Variants in BNIP5 observed in about 807,000 individuals in gnomAD.
The protein encoded by BNIP5 is BCL2 interacting protein 5.
Under a neutral mutation model 67.3 loss-of-function variants are expected in BNIP5, and 61 were observed. The ratio of observed to expected loss-of-function variants is 0.91; its 90% CI spans 0.74 to 1.12. The LOEUF is 1.12. BNIP5 is among the 50% of genes most tolerant of loss of function. The pLI is 0.00. For missense variants in BNIP5, 826 were observed against 816.3 expected, an observed-to-expected ratio of 1.01 and a Z score of -0.14; for synonymous variants, 317 against 319.0, an observed-to-expected ratio of 0.99 and a Z score of 0.07.
At chr6:36,324,077 G>A in intron 7 of BNIP5, 52 bp downstream of exon 7, 1 of 1,371,146 alleles carries the variant, frequency 7.3e-7, no homozygotes, top group South Asian at 1.2e-5. Context: ...CACCAGGCAG[G>A]GTTGGGGAGC....
Position 36,322,393 on chromosome 6 carries a change from T to G in BNIP5, c.1521A>C (p.Pro507=). ...GGGAGGGTGCTTCTGAGATCACAAC[T>G]GGCTCCCCTTCTGCGGGCAGGGGCT... The part of the protein sequence containing the change: ...CREPLPAEGE[P]VVISEAPSQA... The change falls in exon 9 of 12, where the codon CCA becomes CCC. Residue 507 remains proline, a synonymous_variant. Coordinates refer to ENST00000437635, the MANE Select transcript of BNIP5 (RefSeq NM_001010903.5). 1.9e-6 allele frequency: 3 copies of G among 1,614,116 alleles called. No individual in the cohort carries two copies. The highest frequency in any genetic ancestry group is 2.5e-6 in the Non-Finnish European group (3 of 1,179,970).
intron 3 of BNIP5, 64 bp from the exon 4 acceptor site, chr6:36,327,158 C>A (rs1771784319): frequency 1.4e-6 from 2 of 1,418,074 alleles, no homozygotes; most frequent in East Asian, 2.3e-5. Context: ...TTCTAAATTA[C>A]CATCTTGGAT....
intron 1 of BNIP5, among the ~76,000 whole-genome samples, chr6:36,331,776 T>A (rs993096634): frequency 2.0e-5 from 3 of 152,150 alleles, no homozygotes; most frequent in Non-Finnish European, 2.9e-5. Context: ...GCGATCAACC[T>A]ACCTCGGTCT....
intron 3 of BNIP5, among the ~76,000 whole-genome samples, chr6:36,327,837 CTT>C (rs35688804): frequency 4.4e-4 from 60 of 137,190 alleles, no homozygotes; most frequent in Middle Eastern, 3.9e-3. Flanking sequence ...TGTGGGTTTG[CTT>C]TTTTTTTTTT....
At chr6:36,327,325 A>T (rs1262734965) in intron 3 of BNIP5, among the ~76,000 whole-genome samples, 2 of 152,236 alleles carry the variant, frequency 1.3e-5, no homozygotes, top group Non-Finnish European at 2.9e-5. Flanking sequence ...CCCTTCAGGC[A>T]TTCAACCTGT....
chr6:36,321,558 T>A (rs1771636750), intron 9 of BNIP5, among the ~76,000 whole-genome samples: 1 of 151,846 alleles, frequency 6.6e-6, no homozygotes, highest in Admixed American at 6.6e-5. Context: ...AGAATGGGAG[T>A]TTGGACGAGG....
rs755783603 is a variant in BNIP5, at chr6:36,319,577, A to T, written c.1702T>A (p.Tyr568Asn). The T allele has an allele frequency of 3.7e-6, 6 of 1,613,176 alleles. No individual in the cohort carries two copies. The highest frequency in any genetic ancestry group is 4.2e-6 in the Non-Finnish European group (5 of 1,179,342). The change falls in exon 11 of 12, where the codon TAC (tyrosine) becomes AAC (asparagine). Residue 568 changes from tyrosine (Y) to asparagine (N), a missense_variant. Physicochemically the swap from Tyr to Asn is moderately radical, Grantham distance 143 (BLOSUM62 -2). Transcript: ENST00000437635. ...CTGAGGGAGGAGTCCGAGAACTCGTAAAAAAACCTCTTAAAGCTGGGGTGG... is the reference window on the plus strand; with the variant it reads ...CTGAGGGAGGAGTCCGAGAACTCGTTAAAAAACCTCTTAAAGCTGGGGTGG... ...RRHPSFKRFF[Y>N]EFSDSSLSKL...
chr6:36,329,704 C>T (rs1352613422), intron 2 of BNIP5, among the ~76,000 whole-genome samples: 2 of 151,934 alleles, frequency 1.3e-5, no homozygotes, highest in South Asian at 2.1e-4. Context: ...CCCAGCTACT[C>T]GGAAGGCTGA....
intron 11 of BNIP5, among the ~76,000 whole-genome samples, chr6:36,317,768 C>T (rs555608364): frequency 2.0e-5 from 3 of 152,280 alleles, no homozygotes; most frequent in South Asian, 2.1e-4. Flanking sequence ...GCCCTTTGCA[C>T]AACTAAGCAC....
intron 9 of BNIP5, among the ~76,000 whole-genome samples, chr6:36,321,902 T>C (rs181354644): frequency 5.3e-5 from 8 of 152,342 alleles, no homozygotes; most frequent in Admixed American, 5.2e-4. Context: ...TGTTATAAAC[T>C]GTTAGCAGCT....
chr6:36,320,089 G>A (rs1771603104), intron 10 of BNIP5, among the ~76,000 whole-genome samples: 1 of 152,284 alleles, frequency 6.6e-6, no homozygotes, highest in South Asian at 2.1e-4. Context: ...AAAATGTTTA[G>A]TACAGGAATG....
In BNIP5 at chr6:36,328,966, C is replaced by A. The variant is rs1277752344; in HGVS notation, c.611-252G>T. On this transcript the variant is annotated intron_variant, in intron 2 of 11. Transcript: ENST00000437635. ...CGCAAATCCTCAGTCTTCTCCCCAT[C>A]ATAAACACTGAGTTTTGAGTGCTGC... Among the ~76,000 whole-genome samples the A allele has an allele frequency of 3.3e-5, 5 of 152,272 alleles. No homozygotes were observed. In the East Asian group the frequency reaches 7.7e-4, roughly 24 times the overall value.
Position 36,326,600 on chromosome 6 carries a change from C to G in BNIP5, c.946G>C (p.Val316Leu), listed in dbSNP as rs747003912. ...SEEAKRGAAD[V>L]SSPEAWPPKK... ...GGTGGCCAGGCCTCTGGACTGGAAA[C>G]ATCTGCAGCCCCCCTCTTGGCCTCC... is the stretch of plus-strand genomic sequence containing the variant. Residue 316 changes from valine to leucine, a missense_variant, in exon 5 of 12, where the codon GTT (valine) becomes CTT (leucine). Val to Leu is a conservative substitution (Grantham distance 32). Transcript: ENST00000437635. 5.0e-6 allele frequency: 8 copies of G among 1,614,146 alleles called. No homozygotes were observed. The highest frequency in any genetic ancestry group is 1.7e-5 in the Admixed American group (1 of 60,016).
At chr6:36,332,449 T>C (rs567926579) in intron 1 of BNIP5, among the ~76,000 whole-genome samples, 1 of 152,288 alleles carries the variant, frequency 6.6e-6, no homozygotes, top group African/African-American at 2.4e-5. Flanking sequence ...TCTCTCCATC[T>C]CCTGTGTTTA....
Position 36,330,211 on chromosome 6 carries a change from A to G in BNIP5, c.480T>C (p.Gly160=). The stretch of plus-strand genomic sequence containing the variant: ...TCACCTCGGCCGCGTGTTTCTTGTG[A>G]CCTTGCTTCTTGCGGCTGGGCTTCT... The part of the protein sequence containing the change: ...HDKKPSRKKQ[G]HKKHAAEVTK... Residue 160 remains glycine (G), a synonymous_variant, in exon 2 of 12, where the codon GGT becomes GGC. Transcript: ENST00000437635. 3 of 1,613,532 alleles carry G rather than the reference A, an allele frequency of 1.9e-6. No homozygotes were observed. The highest frequency in any genetic ancestry group is 2.5e-6 in the Non-Finnish European group (3 of 1,179,886).
At chr6:36,330,729 T>C (rs1561886855) in intron 1 of BNIP5, 35 bp from the exon 2 acceptor site, 2 of 1,515,182 alleles carry the variant, frequency 1.3e-6, no homozygotes, top group Non-Finnish European at 1.8e-6. Context: ...TTAGTTTTTT[T>C]GTTTGTTTGT....
rs58409463 is a variant in BNIP5, at chr6:36,324,575, TTATATATATATATATATATATATA to T, written c.1169-409_1169-386del. 1.5e-3 allele frequency among the ~76,000 whole-genome samples: 74 copies of T among 50,828 alleles called. 2 individuals are homozygous for T. The highest frequency in any genetic ancestry group is 3.0e-3 in the Admixed American group (10 of 3,338). 33.3% of individuals were successfully genotyped at this position (50,828 alleles called of 152,430 possible). A position where few individuals can be genotyped will look rare whatever the true frequency, so the allele number is the denominator to read the frequency against. The stretch of plus-strand genomic sequence containing the variant: ...GGTCTTTTCAGACCTGACGGTGATA[TTATATATATATATATATATATATA>T]TATATATATATATATATATATATAT... On this transcript the variant is annotated intron_variant, in intron 6 of 11. Transcript: ENST00000437635.
Position 36,333,640 on chromosome 6 carries a change from C to T in BNIP5, c.-4-2946G>A, listed in dbSNP as rs1771950722. On this transcript the variant is annotated intron_variant, in intron 1 of 11. Transcript: ENST00000437635. ...CCCCCAGAGGGAATATTCTGGTCTT[C>T]TCTGAATGCGCAGGAATAAGGATGT... is the stretch of plus-strand genomic sequence containing the variant. 3.3e-5 allele frequency among the ~76,000 whole-genome samples: 5 copies of T among 152,250 alleles called. No individual in the cohort carries two copies. In the South Asian group the frequency reaches 1.0e-3, roughly 31 times the overall value.
chr6:36,330,300 G>A lies in BNIP5; in HGVS notation c.391C>T (p.Gln131Ter), dbSNP rs1208776429. The stretch of plus-strand genomic sequence containing the variant: ...GCTGCTTCCAGGGGCTCCGGATGCT[G>A]GGAGATACCCTCCTTCCCCCTTGGC... ...RRPRGKEGISQHPEPLEAAGE... is the reference protein window; with the variant it reads ...RRPRGKEGIS Residue 131 changes from glutamine (Q) to a stop codon, truncating the protein, a stop_gained, in exon 2 of 12, where the codon CAG becomes TAG. Coordinates refer to ENST00000437635, the MANE Select transcript of BNIP5 (RefSeq NM_001010903.5). LOFTEE classifies it high-confidence loss of function. 3.1e-6 allele frequency: 5 copies of A among 1,614,170 alleles called. No individual in the cohort carries two copies. Among genetic ancestry groups the A allele is most frequent in the Non-Finnish European group, 4.2e-6 (5 of 1,180,022 alleles).
Sources: gnomAD v4.1 joint callset for allele counts (sites outside exome capture counted in the v4.1 genomes callset) on GRCh38, gnomAD v4.1.1 for gene constraint, MANE v1.5 for transcripts, NCBI Gene and HGNC (gene_info 2026-07-23, HGNC 2026-07-21) for gene names.